CACNA1D: variants seen among roughly 807,000 people sequenced by gnomAD.
CACNA1D encodes calcium voltage-gated channel subunit alpha1 D, also known as voltage-dependent L-type calcium channel subunit alpha-1D.
In CACNA1D, 55 loss-of-function variants were observed where a neutral mutation model predicts 257.1. The ratio of observed to expected loss-of-function variants is 0.21; its 90% CI spans 0.17 to 0.27. The LOEUF is 0.27. Ranked by LOEUF, CACNA1D falls within the 10% of genes least tolerant of loss-of-function variation. The probability of loss-of-function intolerance (pLI) is 1.00; values close to 1 mark genes in which losing one functional copy is unlikely to be tolerated. For missense variants in CACNA1D, 1,876 were observed against 2,784.0 expected (o/e 0.67, Z 7.34); for synonymous variants, 980 against 1,014.9 (o/e 0.97, Z 0.65).
At chr3:53,757,321 C>T (rs2095271734) in intron 29 of CACNA1D, among the ~76,000 whole-genome samples, 1 of 152,136 alleles carries the variant, frequency 6.6e-6, no homozygotes, top group Non-Finnish European at 1.5e-5. Flanking sequence ...TTACATTGGG[C>T]TTCTTGTTGG....
rs1335286014 is a variant in CACNA1D at position 53,722,452 on chromosome 3, A to T, written c.1644A>T (p.Pro548=). The T allele has an allele frequency of 6.2e-7, 1 of 1,614,238 alleles. No homozygotes were observed. The change falls in exon 12 of 48, where the codon CCA becomes CCT. Residue 548 remains proline, a synonymous_variant. Coordinates refer to ENST00000350061, the MANE Select transcript of CACNA1D (RefSeq NM_001128840.3). ...LTISSEHYNQ[P]DWLTQIQDIA... is the part of the protein sequence containing the mutation. Reference sequence around the variant, plus strand: ...TTTCCTCTGAGCACTACAATCAGCCAGATTGGTTGACACAGATTCAAGGTA... The same window carrying T: ...TTTCCTCTGAGCACTACAATCAGCCTGATTGGTTGACACAGATTCAAGGTA...
intron 8 of CACNA1D, among the ~76,000 whole-genome samples, chr3:53,696,385 C>T (rs2108555129): frequency 6.6e-6 from 1 of 152,328 alleles, no homozygotes; most frequent in Middle Eastern, 3.4e-3. Flanking sequence ...GCTGCATGGC[C>T]TTGTGTGCCC....
At chr3:53,595,918 C>G (rs1383675580) in intron 3 of CACNA1D, among the ~76,000 whole-genome samples, 1 of 152,050 alleles carries the variant, frequency 6.6e-6, no homozygotes, top group Non-Finnish European at 1.5e-5. Flanking sequence ...GTGTGTATAG[C>G]AAAATGTGTT....
intron 9 of CACNA1D, among the ~76,000 whole-genome samples, chr3:53,715,789 A>C (rs2094812264): frequency 6.6e-6 from 1 of 152,162 alleles, no homozygotes; most frequent in African/African-American, 2.4e-5. Flanking sequence ...CCTCACCCTC[A>C]GTGGAGCCCT....
rs574307249 is a variant in CACNA1D, at chr3:53,631,042, A to T, written c.484-19737A>T. Among the ~76,000 whole-genome samples the T allele has an allele frequency of 4.8e-3, 735 of 152,330 alleles. 9 individuals are homozygous for T. The highest frequency in any genetic ancestry group is 0.017 in the African/African-American group (690 of 41,584). On this transcript the variant is annotated intron_variant, in intron 3 of 47. Coordinates refer to ENST00000350061, the MANE Select transcript of CACNA1D (RefSeq NM_001128840.3). Reference sequence around the variant, plus strand: ...TTTGGTGGTGAGGGGCTTTGCCTTGATGTTGATGGCTGCTGACCGATCACA... The same window carrying T: ...TTTGGTGGTGAGGGGCTTTGCCTTGTTGTTGATGGCTGCTGACCGATCACA...
intron 8 of CACNA1D, among the ~76,000 whole-genome samples, chr3:53,690,343 A>G (rs1380608): frequency 0.11 from 16,574 of 152,230 alleles, 978 homozygotes; most frequent in East Asian, 0.18. Flanking sequence ...TAATTACCCA[A>G]TGCTGAGTGG....
chr3:53,704,032 G>A (rs937237296), intron 9 of CACNA1D, among the ~76,000 whole-genome samples: 7 of 152,210 alleles, frequency 4.6e-5, no homozygotes, highest in South Asian at 2.1e-4. Flanking sequence ...TGAGGGAGGC[G>A]TGGAGGTGGA....
At chr3:53,647,392 A>G (rs1288038001) in intron 3 of CACNA1D, among the ~76,000 whole-genome samples, 1 of 152,118 alleles carries the variant, frequency 6.6e-6, no homozygotes, top group Non-Finnish European at 1.5e-5. Flanking sequence ...GGGACGCCTC[A>G]TTTCATGTAT....
In CACNA1D at chr3:53,501,472, G is replaced by C. The variant is rs887829172; in HGVS notation, c.378-143G>C. On this transcript the variant is annotated intron_variant, in intron 2 of 47. Coordinates refer to ENST00000350061, the MANE Select transcript of CACNA1D (RefSeq NM_001128840.3). ...GATGATTACTTCTGCCGAAAACCTA[G>C]CAGTCACAGCAGTCAGCCGAAATAG... is the stretch of plus-strand genomic sequence containing the variant. The C allele has an allele frequency of 9.5e-6, 6 of 634,432 alleles. No homozygotes were observed. In the Admixed American group the frequency reaches 1.4e-4, roughly 15 times the overall value. 39.3% of individuals were successfully genotyped at this position (634,432 alleles called of 1,614,324 possible). A position where few individuals can be genotyped will look rare whatever the true frequency, so the allele number is the denominator to read the frequency against.
chr3:53,544,760 G>T (rs1023529052), intron 3 of CACNA1D, among the ~76,000 whole-genome samples: 1 of 152,238 alleles, frequency 6.6e-6, no homozygotes, highest in African/African-American at 2.4e-5. Flanking sequence ...TTTGAGGGTA[G>T]TGGGGCATCT....
Position 53,803,626 on chromosome 3 carries a change from G to A in CACNA1D, c.5585+54G>A, listed in dbSNP as rs367964150. 466 of 1,586,508 alleles carry A rather than the reference G, an allele frequency of 2.9e-4. 1 individual carries two copies. The African/African-American group carries it at 3.8e-3, about 13-fold the overall frequency. Reference sequence around the variant, plus strand: ...GGGAGGCCGCCCTGCCCTGGTGCTCGGCCCACTCCGGAAGCCAGGGCCACC... The same window carrying A: ...GGGAGGCCGCCCTGCCCTGGTGCTCAGCCCACTCCGGAAGCCAGGGCCACC... On this transcript the variant is annotated intron_variant, in intron 44 of 47. Transcript: ENST00000350061.
chr3:53,718,770 G>C, intron 10 of CACNA1D: 2 of 1,538,302 alleles, frequency 1.3e-6, no homozygotes, highest in Non-Finnish European at 1.8e-6. Context: ...TTCCAGCCTG[G>C]GTTTGGCATT....
chr3:53,648,829 AACACACACAC>A (rs148968944), intron 3 of CACNA1D, among the ~76,000 whole-genome samples: 28 of 146,858 alleles, frequency 1.9e-4, no homozygotes, highest in Non-Finnish European at 2.9e-4. Context: ...TAACTCTCAA[AACACACACAC>A]ACACACACAC....
At chr3:53,772,545 T>G (rs1053676427) in intron 32 of CACNA1D, among the ~76,000 whole-genome samples, 1 of 152,202 alleles carries the variant, frequency 6.6e-6, no homozygotes, top group Non-Finnish European at 1.5e-5. Context: ...GAGAGTTACG[T>G]GTCTGTGTTG....
intron 8 of CACNA1D, among the ~76,000 whole-genome samples, chr3:53,692,450 G>A (rs1327528262): frequency 2.0e-5 from 3 of 152,144 alleles, no homozygotes; most frequent in African/African-American, 7.2e-5. Context: ...GTGAACTTTA[G>A]GATGTCTAGA....
At chr3:53,715,414 T>C (rs1559558838) in intron 9 of CACNA1D, among the ~76,000 whole-genome samples, 1 of 152,130 alleles carries the variant, frequency 6.6e-6, no homozygotes, top group Non-Finnish European at 1.5e-5. Context: ...CCAAGAATGA[T>C]GGCCAAAGCT....
chr3:53,541,508 A>G (rs898019900), intron 3 of CACNA1D, among the ~76,000 whole-genome samples: 64 of 152,154 alleles, frequency 4.2e-4, no homozygotes, highest in African/African-American at 1.4e-3. Context: ...GGCGCGGAGA[A>G]GCCTGTTCTA....
rs2094530422 is a variant in CACNA1D, at chr3:53,691,880, AAT to A, written c.1221-10754_1221-10753del. ...AATATATATTATATATATTACATAT[AAT>A]ATATATTATATATATTACATATATT... On this transcript the variant is annotated intron_variant, in intron 8 of 47. Coordinates refer to ENST00000350061, the MANE Select transcript of CACNA1D (RefSeq NM_001128840.3). Among the ~76,000 whole-genome samples, 3 of 109,536 alleles carry A rather than the reference AAT, an allele frequency of 2.7e-5. No individual in the cohort carries two copies. In the South Asian group the frequency reaches 7.9e-4, roughly 29 times the overall value. The allele number at this position is 109,536 out of a possible 152,430, so 71.9% of individuals were successfully genotyped here. A position where few individuals can be genotyped will look rare whatever the true frequency, so the allele number is the denominator to read the frequency against.
chr3:53,749,646 G>A (rs1347149469), intron 27 of CACNA1D, among the ~76,000 whole-genome samples, 177 bp downstream of exon 27: 1 of 152,206 alleles, frequency 6.6e-6, no homozygotes, highest in Non-Finnish European at 1.5e-5. Flanking sequence ...TGAGCGTTAG[G>A]TTTCCCGATA....
Sources: allele counts gnomAD v4.1 joint callset (sites outside exome capture counted in the v4.1 genomes callset), GRCh38; gene constraint gnomAD v4.1.1; transcripts MANE v1.5; gene names NCBI Gene and HGNC (gene_info 2026-07-23, HGNC 2026-07-21).